TUB: variants seen among roughly 807,000 people sequenced by gnomAD.
The protein encoded by TUB is TUB bipartite transcription factor.
TUB carries 33 observed loss-of-function variants against 59.7 expected under a neutral mutation model. That is an observed-to-expected ratio of 0.55 (90% CI 0.42 to 0.74). The LOEUF is 0.74. Ranked by LOEUF, TUB falls within the 30% of genes least tolerant of loss-of-function variation. TUB has a pLI of 0.00. For synonymous variants in TUB, 293 were observed against 256.4 expected (o/e 1.14, Z -1.36); for missense variants, 659 against 672.0 (o/e 0.98, Z 0.21).
chr11:8,037,141 T>G (rs369779390), upstream of TUB, among the ~76,000 whole-genome samples: 1 of 152,202 alleles, frequency 6.6e-6, no homozygotes, highest in African/African-American at 2.4e-5. Context: ...ACACGTCCAC[T>G]TCCCCACCTG....
At chr11:8,066,100 G>T (rs1435303065) in intron 2 of TUB, among the ~76,000 whole-genome samples, 1 of 152,194 alleles carries the variant, frequency 6.6e-6, no homozygotes, top group African/African-American at 2.4e-5. Context: ...AGGAGGAAGG[G>T]GCCCGGGGGG....
At chr11:8,095,041 C>T (rs1442709124) in intron 4 of TUB, among the ~76,000 whole-genome samples, 1 of 152,260 alleles carries the variant, frequency 6.6e-6, no homozygotes, top group East Asian at 1.9e-4. Flanking sequence ...TCAAGGGGCC[C>T]ACGTTTTTAA....
chr11:8,098,876 G>T lies in TUB; in HGVS notation c.1116+1G>T, dbSNP rs1032858847. The T allele has an allele frequency of 6.2e-7, 1 of 1,608,736 alleles. No individual in the cohort carries two copies. Among genetic ancestry groups the T allele is most frequent in the Admixed American group, 1.7e-5 (1 of 60,010 alleles). On this transcript the variant is annotated splice_donor_variant, in intron 9 of 11. Transcript: ENST00000299506. LOFTEE classifies it high-confidence loss of function. ...TCAGGAGCTGGCAGCTGTGTGCTAC[G>T]TGAGTCCTAGGTTCGGGGGTCTCTG...
chr11:8,060,355 G>C (rs149728985), intron 2 of TUB, among the ~76,000 whole-genome samples: 1 of 152,294 alleles, frequency 6.6e-6, no homozygotes, highest in East Asian at 1.9e-4. Flanking sequence ...GCAGGAGAAG[G>C]TTGGAGGAGG....
intron 2 of TUB, among the ~76,000 whole-genome samples, chr11:8,057,078 C>T (rs913064505): frequency 1.3e-5 from 2 of 152,092 alleles, no homozygotes; most frequent in African/African-American, 2.4e-5. Flanking sequence ...ACAAGCTAGG[C>T]TCTGGAGGGC....
intron 2 of TUB, among the ~76,000 whole-genome samples, chr11:8,042,844 C>A (rs1261349269): frequency 6.6e-6 from 1 of 152,050 alleles, no homozygotes; most frequent in Non-Finnish European, 1.5e-5. Context: ...AAAAACAAGA[C>A]CCTTATCAGA....
intron 2 of TUB, among the ~76,000 whole-genome samples, chr11:8,074,172 GGAT>G (rs1943407963): frequency 6.6e-6 from 1 of 152,000 alleles, no homozygotes; most frequent in African/African-American, 2.4e-5. Context: ...TTGGGGGTGG[GGAT>G]GTTGTCTGCA....
chr11:8,072,842 C>T lies in TUB; in HGVS notation c.204-16768C>T, dbSNP rs372380842. Among the ~76,000 whole-genome samples, 400 of 152,322 alleles carry T rather than the reference C, an allele frequency of 2.6e-3. 3 individuals carry two copies. Among genetic ancestry groups the T allele is most frequent in the African/African-American group, 8.9e-3 (372 of 41,584 alleles). ...ACAGCTGTGTTTCTTACATAAAATA[C>T]AAGAATGCTAACACAAAAAACAATA... On this transcript the variant is annotated intron_variant, in intron 2 of 12. Transcript: ENST00000305253.
intron 5 of TUB, 78 bp downstream of exon 5, chr11:8,095,743 G>C: frequency 6.9e-7 from 1 of 1,456,562 alleles, no homozygotes; most frequent in Admixed American, 2.1e-5. Context: ...TGGGAGCATG[G>C]CCTTCCTGTG....
chr11:8,100,963 C>T lies in TUB; in HGVS notation c.1353C>T (p.Ser451=), dbSNP rs770012408. 24 of 1,614,046 alleles carry T rather than the reference C, an allele frequency of 1.5e-5. No homozygotes were observed. Among genetic ancestry groups the T allele is most frequent in the East Asian group, 2.2e-5 (1 of 44,892 alleles). Residue 451 remains serine, a synonymous_variant, in exon 11 of 12, where the codon TCC becomes TCT. Coordinates refer to ENST00000299506, the MANE Select transcript of TUB (RefSeq NM_177972.3). ...TCCATGGGCGCGTCACACAGGCCTC[C>T]GTGAAGAACTTCCAGATCATCCATG... is the stretch of plus-strand genomic sequence containing the variant. ...LNFHGRVTQA[S]VKNFQIIHGN...
chr11:8,060,588 G>A (rs1943104190), intron 2 of TUB, among the ~76,000 whole-genome samples: 1 of 152,176 alleles, frequency 6.6e-6, no homozygotes, highest in African/African-American at 2.4e-5. Flanking sequence ...TGGAGCCCCA[G>A]GGTCACCCAG....
rs527582687 is a variant in TUB, at chr11:8,101,497, G to A, written c.1399G>A (p.Val467Met). 94 of 1,614,180 alleles carry A rather than the reference G, an allele frequency of 5.8e-5. No homozygotes were observed. The highest frequency in any genetic ancestry group is 2.7e-4 in the Admixed American group (16 of 60,024). Residue 467 changes from valine (V) to methionine (M), a missense_variant, in exon 12 of 12, where the codon GTG becomes ATG. Around this residue, in one of 3 missense-constraint regions of TUB, gnomAD observed 226 missense variants for 210.8 expected, o/e 1.07. Transcript: ENST00000299506. ...IIHGNDPDYI[V>M]MQFGRVAEDV... ...GTGCTTGGCCCCAGCGGACTACATC[G>A]TGATGCAGTTTGGCCGGGTAGCAGA...
intron 1 of TUB, among the ~76,000 whole-genome samples, chr11:8,083,077 G>C (rs2133818057): frequency 6.6e-6 from 1 of 152,364 alleles, no homozygotes; most frequent in Non-Finnish European, 1.5e-5. Context: ...GGCACAGGTA[G>C]TTTCTGGAGG....
intron 4 of TUB, 96 bp from the exon 5 acceptor site, chr11:8,095,402 T>C: frequency 7.5e-7 from 1 of 1,330,688 alleles, no homozygotes; most frequent in Non-Finnish European, 1.0e-6. Context: ...GCAGAGGGTT[T>C]CCCCACTCTT....
intron 1 of TUB, among the ~76,000 whole-genome samples, chr11:8,085,450 AGCTGCACTG>A (rs1189026399): frequency 3.9e-5 from 6 of 152,192 alleles, no homozygotes; most frequent in African/African-American, 1.2e-4. Flanking sequence ...TGCCTTCTGG[AGCTGCACTG>A]GTTCCCACTG....
chr11:8,032,052 G>C lies in TUB; in HGVS notation c.56+12694G>C, dbSNP rs537731397. On this transcript the variant is annotated intron_variant, in intron 1 of 11. Transcript: ENST00000534099. ...GACAGAGAGAGACCCCCTGGGGTAA[G>C]GAAGGGGAGCAGCCGCGACTGCACA... Among the ~76,000 whole-genome samples the C allele has an allele frequency of 1.8e-4, 27 of 152,270 alleles. No individual in the cohort carries two copies. The South Asian group carries it at 4.1e-3, about 23-fold the overall frequency.
chr11:8,054,794 T>C (rs1363727202), intron 2 of TUB, among the ~76,000 whole-genome samples: 1 of 152,120 alleles, frequency 6.6e-6, no homozygotes, highest in Non-Finnish European at 1.5e-5. Context: ...TGGGTGTATG[T>C]TCCTGTGTTA....
At chr11:8,073,917 T>TTAC (rs1943402736) in intron 2 of TUB, among the ~76,000 whole-genome samples, 18 of 22,736 alleles carry the variant, frequency 7.9e-4, no homozygotes, top group African/African-American at 1.4e-3. Context: ...AGCAGAACCG[T>TTAC]AGTTCAGCAT....
intron 5 of TUB, 24 bp from the exon 6 acceptor site, chr11:8,096,661 C>T: frequency 6.7e-7 from 1 of 1,495,746 alleles, no homozygotes; most frequent in South Asian, 1.1e-5. Flanking sequence ...TCCTTCATCC[C>T]TTCTTCTTCT....
Sources: allele counts gnomAD v4.1 joint callset (sites outside exome capture counted in the v4.1 genomes callset), GRCh38; gene constraint gnomAD v4.1.1; regional missense constraint gnomAD v4.1.1; transcripts MANE v1.5; gene names NCBI Gene and HGNC (gene_info 2026-07-23, HGNC 2026-07-21).